The following NEK7 variants were observed in gnomAD, a reference collection of about 807,000 sequenced individuals.
NEK7 encodes NIMA related kinase 7.
A neutral mutation model predicts 44.6 loss-of-function variants in NEK7; 18 were observed. That is an observed-to-expected ratio of 0.40 (90% CI 0.28 to 0.60). The LOEUF (loss-of-function observed/expected upper bound fraction) is 0.60. NEK7 is among the 20% of genes least tolerant of loss of function. The pLI, the probability that NEK7 is intolerant of heterozygous loss-of-function variation, is 0.38. For missense variants in NEK7, 256 were observed against 366.5 expected (o/e 0.70, Z 2.46); for synonymous variants, 130 against 121.1 (o/e 1.07, Z -0.48).
In NEK7 at chr1:198,305,349, A is replaced by G. The variant is rs187601191; in HGVS notation, c.798+8109A>G. ...ACATGGTTAATAATGTAGTACTTAG[A>G]ATCATTGCACAGTATTGGATAAATG... is the stretch of plus-strand genomic sequence containing the variant. On this transcript the variant is annotated intron_variant, in intron 9 of 9. Transcript: ENST00000367385. 1.6e-3 allele frequency among the ~76,000 whole-genome samples: 242 copies of G among 152,292 alleles called. 4 individuals are homozygous for G. The highest frequency in any genetic ancestry group is 5.7e-3 in the African/African-American group (237 of 41,566).
intron 3 of NEK7, chr1:198,256,395 T>G (rs1194742331): frequency 2.5e-5 from 40 of 1,612,020 alleles, no homozygotes; most frequent in Non-Finnish European, 3.2e-5. Context: ...TTGGAAATCA[T>G]AAAGGGATCT....
chr1:198,233,376 G>A (rs1231276466), intron 2 of NEK7, among the ~76,000 whole-genome samples: 1 of 152,162 alleles, frequency 6.6e-6, no homozygotes, highest in Non-Finnish European at 1.5e-5. Context: ...AAGCTAACGT[G>A]TAATGACATG....
intron 1 of NEK7, among the ~76,000 whole-genome samples, chr1:198,165,198 G>A (rs1017806581): frequency 6.6e-6 from 1 of 152,046 alleles, no homozygotes; most frequent in Non-Finnish European, 1.5e-5. Context: ...ATGAGGGTTG[G>A]AATCAACTTC....
chr1:198,309,021 T>C (rs1182204631), intron 9 of NEK7, among the ~76,000 whole-genome samples: 1 of 152,136 alleles, frequency 6.6e-6, no homozygotes, highest in African/African-American at 2.4e-5. Context: ...TGCAGTTTAA[T>C]AGAAGAAAAC....
intron 9 of NEK7, among the ~76,000 whole-genome samples, chr1:198,317,788 C>T (rs1655411616): frequency 6.6e-6 from 1 of 151,476 alleles, no homozygotes; most frequent in Admixed American, 6.6e-5. Flanking sequence ...GCTAGATGAC[C>T]CATTAGAACA....
intron 3 of NEK7, among the ~76,000 whole-genome samples, chr1:198,254,314 GAATGT>G (rs1653178275): frequency 6.6e-6 from 1 of 152,114 alleles, no homozygotes. Flanking sequence ...ACCATATCCT[GAATGT>G]AATGTTTATC....
chr1:198,316,800 A>G (rs139467440), intron 9 of NEK7, among the ~76,000 whole-genome samples: 97 of 152,362 alleles, frequency 6.4e-4, no homozygotes, highest in Middle Eastern at 6.8e-3. Context: ...TGAACGGATG[A>G]AAATGGAAGA....
intron 1 of NEK7, among the ~76,000 whole-genome samples, chr1:198,162,929 A>G (rs1295426758): frequency 6.6e-6 from 1 of 152,142 alleles, no homozygotes; most frequent in Non-Finnish European, 1.5e-5. Flanking sequence ...TTAAATACAG[A>G]TTCAAAAAAT....
chr1:198,301,192 T>C (rs978442682), intron 9 of NEK7, among the ~76,000 whole-genome samples: 27 of 152,342 alleles, frequency 1.8e-4, no homozygotes, highest in Non-Finnish European at 3.1e-4. Flanking sequence ...TATTAAAAAT[T>C]CCTAGTTTAA....
At chr1:198,200,549 TTTC>T (rs201272898) in intron 1 of NEK7, among the ~76,000 whole-genome samples, 4,242 of 150,622 alleles carry the variant, frequency 0.028, 110 homozygotes, top group African/African-American at 0.06. Flanking sequence ...CTTTTCTTTC[TTTC>T]TTTTTTTTTT....
At chr1:198,206,657 C>T (rs952126830) in intron 1 of NEK7, among the ~76,000 whole-genome samples, 4 of 151,832 alleles carry the variant, frequency 2.6e-5, no homozygotes, top group Non-Finnish European at 2.9e-5. Flanking sequence ...GTCTGAAATA[C>T]GGCAACAGCT....
intron 1 of NEK7, among the ~76,000 whole-genome samples, chr1:198,174,089 C>CT (rs1358290873): frequency 6.6e-6 from 1 of 152,160 alleles, no homozygotes; most frequent in Non-Finnish European, 1.5e-5. Context: ...AGAAAGCTTG[C>CT]TTAGCAGCTG....
At chr1:198,229,260 G>T (rs1666316547) in intron 1 of NEK7, among the ~76,000 whole-genome samples, 1 of 152,172 alleles carries the variant, frequency 6.6e-6, no homozygotes, top group Non-Finnish European at 1.5e-5. Context: ...CCTGGAGTGT[G>T]GTGTTTCTGG....
chr1:198,271,905 T>TTTTATATATATATATATATA (rs751259588), intron 5 of NEK7, among the ~76,000 whole-genome samples: 1 of 141,398 alleles, frequency 7.1e-6, no homozygotes, highest in African/African-American at 2.6e-5. Context: ...AATTTATATT[T>TTTTATATATATATATATATA]TATATATATA....
At chr1:198,220,594 CACTT>C (rs1212842376) in intron 1 of NEK7, among the ~76,000 whole-genome samples, 1 of 152,020 alleles carries the variant, frequency 6.6e-6, no homozygotes, top group Non-Finnish European at 1.5e-5. Flanking sequence ...ATCGACATGT[CACTT>C]GCTTGATTAT....
chr1:198,199,047 T>C (rs375448691), intron 1 of NEK7, among the ~76,000 whole-genome samples: 55 of 152,362 alleles, frequency 3.6e-4, no homozygotes, highest in African/African-American at 1.2e-3. Flanking sequence ...CAAATTCCCA[T>C]GTTTGAGTCT....
At chr1:198,216,248 A>G (rs1232576914) in intron 1 of NEK7, among the ~76,000 whole-genome samples, 1 of 152,080 alleles carries the variant, frequency 6.6e-6, no homozygotes, top group Admixed American at 6.5e-5. Flanking sequence ...AGACCACAGC[A>G]AAATAAAACT....
intron 1 of NEK7, among the ~76,000 whole-genome samples, chr1:198,173,303 C>T (rs1204156815): frequency 6.6e-6 from 1 of 151,844 alleles, no homozygotes; most frequent in African/African-American, 2.4e-5. Context: ...ATGGTATGTG[C>T]CTGTAGTCCC....
At chr1:198,283,327 C>T (rs1377267888) in intron 7 of NEK7, among the ~76,000 whole-genome samples, 2 of 152,064 alleles carry the variant, frequency 1.3e-5, no homozygotes, top group African/African-American at 4.8e-5. Flanking sequence ...CTTCTGTGTC[C>T]TGCGAGTCTG....
Sources: allele counts gnomAD v4.1 joint callset (sites outside exome capture counted in the v4.1 genomes callset), GRCh38; gene constraint gnomAD v4.1.1; transcripts MANE v1.5; gene names NCBI Gene and HGNC (gene_info 2026-07-23, HGNC 2026-07-21).